UGT2B7: variants seen among roughly 807,000 people sequenced by gnomAD.
UGT2B7 encodes UDP glucuronosyltransferase family 2 member B7.
A neutral mutation model predicts 51.9 loss-of-function variants in UGT2B7; 51 were observed. The observed-to-expected ratio is 0.98, with a 90% CI of 0.78 to 1.24. The LOEUF (loss-of-function observed/expected upper bound fraction) is 1.24, where lower values mean the gene tolerates loss of function less well. Among genes scored for constraint, UGT2B7 ranks in the 50% most tolerant of loss-of-function variants. The pLI, the probability that UGT2B7 is intolerant of heterozygous loss-of-function variation, is 0.00. For missense variants in UGT2B7, 727 were observed against 628.4 expected (o/e 1.16, Z -1.68); for synonymous variants, 225 against 211.6 (o/e 1.06, Z -0.55).
rs114288043 is a variant in UGT2B7, at chr4:69,111,281, T to A, written c.1311-1176T>A. Among the ~76,000 whole-genome samples the A allele has an allele frequency of 3.2e-3, 487 of 152,262 alleles. 4 individuals are homozygous for A. Among genetic ancestry groups the A allele is most frequent in the African/African-American group, 0.011 (463 of 41,538 alleles). ...CAAATAACAGAGTTGGATTTTATTC[T>A]AAAAATAATGAGAAGCCAGGCAAAA... On this transcript the variant is annotated intron_variant, in intron 5 of 5. Transcript: ENST00000305231.
At chr4:69,081,020 TCTATCA>T (rs1366958136) in intron 1 of UGT2B7, among the ~76,000 whole-genome samples, 6 of 152,290 alleles carry the variant, frequency 3.9e-5, no homozygotes, top group Admixed American at 3.9e-4. Context: ...ATCTTGAAAC[TCTATCA>T]CTTTACCCAA....
At chr4:69,088,802 C>T (rs569193189) in intron 1 of UGT2B7, among the ~76,000 whole-genome samples, 2 of 152,196 alleles carry the variant, frequency 1.3e-5, no homozygotes, top group South Asian at 4.2e-4. Context: ...AATGCCTCTC[C>T]TGAGGTAGGA....
At chr4:69,064,038 A>AGAAAGAAAGAC (rs1560499605) in intron 1 of UGT2B7, among the ~76,000 whole-genome samples, 1 of 98,896 alleles carries the variant, frequency 1.0e-5, no homozygotes, top group Admixed American at 1.0e-4. Flanking sequence ...GAAAGAAAGA[A>AGAAAGAAAGAC]AGAAAGAAAG....
chr4:69,082,778 T>C (rs141939610), intron 1 of UGT2B7, among the ~76,000 whole-genome samples: 59 of 152,278 alleles, frequency 3.9e-4, no homozygotes, highest in African/African-American at 1.4e-3. Flanking sequence ...TCATTGATGA[T>C]GGTGATTACA....
At chr4:69,068,460 C>A (rs4694159) in intron 1 of UGT2B7, among the ~76,000 whole-genome samples, 65,196 of 151,668 alleles carry the variant, frequency 0.43, 15,554 homozygotes, top group African/African-American at 0.64. Flanking sequence ...ATGTATTAAA[C>A]CAGAAATATG....
intron 3 of UGT2B7, among the ~76,000 whole-genome samples, chr4:69,106,008 T>G (rs910469941): frequency 1.3e-5 from 2 of 152,144 alleles, no homozygotes; most frequent in Non-Finnish European, 2.9e-5. Context: ...ATTACAAAAT[T>G]GTTACTATTT....
At position 69,101,229 on chromosome 4, in the gene UGT2B7, A is replaced by G. The variant is rs192931533; in HGVS notation, c.871-1578A>G. ...TACATAATAAGATTAAAATTATCTA[A>G]ATAAGTGTCACATGTGTACATTGAG... On this transcript the variant is annotated intron_variant, in intron 2 of 5. Transcript: ENST00000305231. Among the ~76,000 whole-genome samples the G allele has an allele frequency of 5.9e-5, 9 of 152,228 alleles. No homozygotes were observed. In the East Asian group the frequency reaches 1.5e-3, roughly 26 times the overall value.
chr4:69,088,579 T>A (rs4694171), intron 1 of UGT2B7, among the ~76,000 whole-genome samples: 87,656 of 151,898 alleles, frequency 0.58, 26,294 homozygotes, highest in African/African-American at 0.71. Flanking sequence ...CGTATGAGTA[T>A]CTGGGAATTA....
In UGT2B7 at chr4:69,064,098, GAAAGAAAGAAAGAA is replaced by G. The variant is rs1560499769; in HGVS notation, c.-159+12512_-159+12525del. On this transcript the variant is annotated intron_variant, in intron 1 of 5. Transcript: ENST00000502942. ...AAAGAAAGAAAGAAAGAAAGAAAGA[GAAAGAAAGAAAGAA>G]AAAGAAAGAAAGAAAGAAAGAAAGA... Among the ~76,000 whole-genome samples the G allele has an allele frequency of 3.4e-3, 305 of 90,080 alleles. 11 individuals are homozygous for G. The highest frequency in any genetic ancestry group is 6.9e-3 in the African/African-American group (138 of 20,004). 59.1% of individuals were successfully genotyped at this position (90,080 alleles called of 152,430 possible).
chr4:69,067,092 G>A (rs183098282), intron 1 of UGT2B7, among the ~76,000 whole-genome samples: 14 of 152,132 alleles, frequency 9.2e-5, no homozygotes, highest in African/African-American at 3.4e-4. Flanking sequence ...GGGGGAGGGT[G>A]GTAATGGGAA....
chr4:69,080,986 T>C (rs1227414313), intron 1 of UGT2B7, among the ~76,000 whole-genome samples: 4 of 152,008 alleles, frequency 2.6e-5, no homozygotes, highest in Non-Finnish European at 5.9e-5. Context: ...GCTGAGTAGA[T>C]AGATAAATTA....
At chr4:69,094,106 A>T (rs1470962700), upstream of UGT2B7, among the ~76,000 whole-genome samples, 1 of 151,856 alleles carries the variant, frequency 6.6e-6, no homozygotes, top group Non-Finnish European at 1.5e-5. Context: ...CAATGAAGCA[A>T]ATCACACAAT....
rs187527536 is a variant in UGT2B7, at chr4:69,101,742, A to G, written c.871-1065A>G. ...AACAGTTAGGAAAAGTTTTACCCCAATCATTAAATCTGAAAGTATTTAAAT... is the reference window on the plus strand; with the variant it reads ...AACAGTTAGGAAAAGTTTTACCCCAGTCATTAAATCTGAAAGTATTTAAAT... On this transcript the variant is annotated intron_variant, in intron 2 of 5. Coordinates refer to ENST00000305231, the MANE Select transcript of UGT2B7 (RefSeq NM_001074.4). Among the ~76,000 whole-genome samples, 3 of 152,298 alleles carry G rather than the reference A, an allele frequency of 2.0e-5. No homozygotes were observed. The East Asian group carries it at 5.8e-4, about 29-fold the overall frequency.
In UGT2B7 at chr4:69,112,338, G is replaced by A. The variant is rs190354200; in HGVS notation, c.1311-119G>A. The A allele has an allele frequency of 3.0e-5, 41 of 1,368,582 alleles. No individual in the cohort carries two copies. In the African/African-American group the frequency reaches 4.7e-4, roughly 16 times the overall value. 84.8% of individuals were successfully genotyped at this position (1,368,582 alleles called of 1,614,324 possible). A position where few individuals can be genotyped will look rare whatever the true frequency, so the allele number is the denominator to read the frequency against. On this transcript the variant is annotated intron_variant, in intron 5 of 5. Transcript: ENST00000305231. ...CTCACTCAGGGAGTTCAGCTCTTGA[G>A]AGAGGAGTCTTGCCGATGCTCCCAG...
Position 69,096,742 on chromosome 4 carries a change from T to A in UGT2B7, c.222T>A (p.Ile74=). The A allele has an allele frequency of 6.2e-7, 1 of 1,614,040 alleles. No individual in the cohort carries two copies. Residue 74 remains isoleucine (I), a synonymous_variant, in exon 1 of 6, where the codon ATT becomes ATA. Coordinates refer to ENST00000305231, the MANE Select transcript of UGT2B7 (RefSeq NM_001074.4). ...CCAACAACTCATCCGCTCTTAAAAT[T>A]GAAATTTATCCCACATCTTTAACTA... is the stretch of plus-strand genomic sequence containing the variant. ...FDPNNSSALK[I]EIYPTSLTKT...
intron 1 of UGT2B7, among the ~76,000 whole-genome samples, chr4:69,073,955 C>G (rs557861933): frequency 6.6e-6 from 1 of 152,056 alleles, no homozygotes; most frequent in East Asian, 1.9e-4. Flanking sequence ...TCAGAAATAT[C>G]TGATTATTTT....
chr4:69,094,774 A>G (rs1205587047), upstream of UGT2B7, among the ~76,000 whole-genome samples: 1 of 152,252 alleles, frequency 6.6e-6, no homozygotes, highest in Non-Finnish European at 1.5e-5. Flanking sequence ...CAATGCTGTC[A>G]GATAGCATTT....
intron 1 of UGT2B7, among the ~76,000 whole-genome samples, chr4:69,086,147 G>C (rs572704023): frequency 1.3e-5 from 2 of 151,250 alleles, no homozygotes; most frequent in East Asian, 3.9e-4. Flanking sequence ...TATATTTGTT[G>C]TTTTAGAACT....
At chr4:69,094,867 T>C (rs1719178927), upstream of UGT2B7, among the ~76,000 whole-genome samples, 1 of 152,210 alleles carries the variant, frequency 6.6e-6, no homozygotes, top group African/African-American at 2.4e-5. Context: ...TTAAGTAATA[T>C]TCTAAATCTC....
Sources: gnomAD v4.1 joint callset for allele counts (sites outside exome capture counted in the v4.1 genomes callset) on GRCh38, gnomAD v4.1.1 for gene constraint, MANE v1.5 for transcripts, NCBI Gene and HGNC (gene_info 2026-07-23, HGNC 2026-07-21) for gene names.